CNTNAP2: variants seen among roughly 807,000 people sequenced by gnomAD.
CNTNAP2 encodes contactin associated protein 2, also known as contactin-associated protein-like 2.
CNTNAP2 carries 98 observed loss-of-function variants against 155.2 expected under a neutral mutation model. The observed-to-expected ratio is 0.63, with a 90% CI of 0.54 to 0.75. The LOEUF is 0.75. CNTNAP2 is among the 30% of genes least tolerant of loss of function. The pLI is 0.00. For missense variants in CNTNAP2, 1,727 were observed against 1,688.1 expected, an observed-to-expected ratio of 1.02 and a Z score of -0.40; for synonymous variants, 651 against 631.2, an observed-to-expected ratio of 1.03 and a Z score of -0.47.
At chr7:146,367,870 G>A (rs1000552762) in intron 1 of CNTNAP2, among the ~76,000 whole-genome samples, 1 of 151,998 alleles carries the variant, frequency 6.6e-6, no homozygotes, top group African/African-American at 2.4e-5. Context: ...CTATGATTCT[G>A]TGTCATCTAA....
intron 1 of CNTNAP2, among the ~76,000 whole-genome samples, chr7:146,734,739 T>G (rs1801582815): frequency 6.6e-6 from 1 of 152,216 alleles, no homozygotes; most frequent in Non-Finnish European, 1.5e-5. Flanking sequence ...AAATGAATTT[T>G]GAACATGCTT....
intron 1 of CNTNAP2, among the ~76,000 whole-genome samples, chr7:146,128,886 C>T (rs1203646627): frequency 6.7e-6 from 1 of 148,366 alleles, no homozygotes; most frequent in Non-Finnish European, 1.5e-5. Context: ...GAAAAAAAAA[C>T]TGCCTTAAAA....
At chr7:147,748,180 A>T (rs1379464940) in intron 13 of CNTNAP2, among the ~76,000 whole-genome samples, 1 of 152,268 alleles carries the variant, frequency 6.6e-6, no homozygotes, top group African/African-American at 2.4e-5. Flanking sequence ...AAGAAAAACT[A>T]GTCAGAACTT....
chr7:148,006,711 CTTT>C (rs370932828), intron 15 of CNTNAP2, among the ~76,000 whole-genome samples: 2 of 143,222 alleles, frequency 1.4e-5, no homozygotes, highest in South Asian at 4.4e-4. Flanking sequence ...TAATAATTTT[CTTT>C]TTTTTTTCTT....
At chr7:147,785,325 A>G (rs1797723349) in intron 13 of CNTNAP2, among the ~76,000 whole-genome samples, 1 of 152,190 alleles carries the variant, frequency 6.6e-6, no homozygotes, top group Non-Finnish European at 1.5e-5. Context: ...AAGCCAAGAG[A>G]AGAGGATGGC....
At chr7:146,564,431 T>C (rs751283708) in intron 1 of CNTNAP2, among the ~76,000 whole-genome samples, 2 of 151,584 alleles carry the variant, frequency 1.3e-5, no homozygotes, top group Non-Finnish European at 2.9e-5. Flanking sequence ...AACTAGATAT[T>C]TTCTGGCACA....
chr7:146,212,456 C>A (rs1359827848), intron 1 of CNTNAP2, among the ~76,000 whole-genome samples: 1 of 152,106 alleles, frequency 6.6e-6, no homozygotes, highest in Non-Finnish European at 1.5e-5. Context: ...ATGTACCCTA[C>A]CTTTAATCAT....
At chr7:147,457,923 C>T (rs1359779455) in intron 10 of CNTNAP2, among the ~76,000 whole-genome samples, 1 of 152,182 alleles carries the variant, frequency 6.6e-6, no homozygotes, top group Non-Finnish European at 1.5e-5. Flanking sequence ...TTTTGGGTGG[C>T]CACATCTCCT....
At chr7:146,331,867 A>T (rs1323071067) in intron 1 of CNTNAP2, among the ~76,000 whole-genome samples, 2 of 152,208 alleles carry the variant, frequency 1.3e-5, no homozygotes, top group Non-Finnish European at 2.9e-5. Flanking sequence ...ACATACGTGA[A>T]GGTGCTTTTA....
Position 147,601,868 on chromosome 7 carries a change from C to T in CNTNAP2, c.1898-37238C>T, listed in dbSNP as rs1025291587. ...TTTTAGATTCAATCTTTTTCTGTCTCTCTTTCTTTCTCTGTTTCTCTTCCC... is the reference window on the plus strand; with the variant it reads ...TTTTAGATTCAATCTTTTTCTGTCTTTCTTTCTTTCTCTGTTTCTCTTCCC... On this transcript the variant is annotated intron_variant, in intron 12 of 23. Transcript: ENST00000361727. Among the ~76,000 whole-genome samples, 3 of 151,742 alleles carry T rather than the reference C, an allele frequency of 2.0e-5. No individual in the cohort carries two copies. The East Asian group carries it at 5.8e-4, about 29-fold the overall frequency.
chr7:147,278,323 A>G (rs1182754054), intron 8 of CNTNAP2, among the ~76,000 whole-genome samples: 3 of 151,728 alleles, frequency 2.0e-5, no homozygotes, highest in Non-Finnish European at 3.0e-5. Context: ...ATGTTCACTG[A>G]CTTTTATAGT....
At chr7:148,351,744 C>CAAATAAAAAAAAAAAAAAAAA (rs1798430365) in intron 21 of CNTNAP2, among the ~76,000 whole-genome samples, 1 of 85,396 alleles carries the variant, frequency 1.2e-5, no homozygotes, top group Non-Finnish European at 2.1e-5. Flanking sequence ...CTCTGTCTCA[C>CAAATAAAAAAAAAAAAAAAAA]AAAAAAAAAA....
intron 15 of CNTNAP2, among the ~76,000 whole-genome samples, chr7:148,092,176 G>T (rs909108349): frequency 2.0e-5 from 3 of 152,164 alleles, no homozygotes; most frequent in Admixed American, 1.3e-4. Context: ...TTATTTCCTT[G>T]GGGGAGCAGG....
intron 3 of CNTNAP2, among the ~76,000 whole-genome samples, chr7:146,975,604 T>G (rs1797894751): frequency 6.6e-6 from 1 of 152,106 alleles, no homozygotes. Context: ...AACTGAAAGA[T>G]CTAAGGGAAA....
chr7:146,169,224 A>G (rs1198468635), intron 1 of CNTNAP2, among the ~76,000 whole-genome samples: 3 of 152,044 alleles, frequency 2.0e-5, no homozygotes, highest in African/African-American at 7.2e-5. Context: ...TTATTTGTAC[A>G]TTTTTCCTAC....
chr7:147,121,868 C>G (rs542980994), intron 6 of CNTNAP2: 1 of 152,106 alleles, frequency 6.6e-6, no homozygotes, highest in African/African-American at 2.4e-5. Context: ...TAATCATATA[C>G]GTAGGTGAGC....
intron 13 of CNTNAP2, among the ~76,000 whole-genome samples, chr7:147,785,564 G>A (rs765999789): frequency 6.6e-6 from 1 of 152,312 alleles, no homozygotes; most frequent in Admixed American, 6.5e-5. Context: ...AATATAGGAG[G>A]CTGTGATAAG....
chr7:147,715,846 A>G (rs1796475306), intron 13 of CNTNAP2, among the ~76,000 whole-genome samples: 1 of 152,102 alleles, frequency 6.6e-6, no homozygotes, highest in African/African-American at 2.4e-5. Flanking sequence ...ACTTACATCT[A>G]TGGTCCATTT....
At chr7:146,627,810 G>GT (rs1024225594) in intron 1 of CNTNAP2, among the ~76,000 whole-genome samples, 2 of 152,148 alleles carry the variant, frequency 1.3e-5, no homozygotes, top group African/African-American at 4.8e-5. Flanking sequence ...TTAGAAAACT[G>GT]TTTTTCTCCT....
Sources: gnomAD v4.1 joint callset for allele counts (sites outside exome capture counted in the v4.1 genomes callset) on GRCh38, gnomAD v4.1.1 for gene constraint, MANE v1.5 for transcripts, NCBI Gene and HGNC (gene_info 2026-07-23, HGNC 2026-07-21) for gene names.